GABRB1: variants seen among roughly 807,000 people sequenced by gnomAD.
GABRB1 encodes the protein gamma-aminobutyric acid type A receptor subunit beta1.
In GABRB1, 17 loss-of-function variants were observed where a neutral mutation model predicts 51.6. The observed-to-expected ratio is 0.33, with a 90% CI of 0.23 to 0.49. The LOEUF (loss-of-function observed/expected upper bound fraction) is 0.49, where lower values mean the gene tolerates loss of function less well. Among genes scored for constraint, GABRB1 ranks in the 20% least tolerant of loss-of-function variants. The probability of loss-of-function intolerance (pLI) is 0.99; values close to 1 mark genes in which losing one functional copy is unlikely to be tolerated. For missense variants in GABRB1, 410 were observed against 600.6 expected (o/e 0.68, Z 3.32); for synonymous variants, 247 against 218.9 (o/e 1.13, Z -1.14).
chr4:47,003,678 T>C (rs1724296793), intron 1 of GABRB1, among the ~76,000 whole-genome samples: 1 of 152,308 alleles, frequency 6.6e-6, no homozygotes, highest in East Asian at 1.9e-4. Flanking sequence ...AGTATGGGAA[T>C]GAGGCTCAGA....
intron 2 of GABRB1, 62 bp from the exon 3 acceptor site, chr4:47,032,355 A>G: frequency 2.1e-6 from 3 of 1,416,432 alleles, no homozygotes; most frequent in South Asian, 1.3e-5. Flanking sequence ...AAGCCCCCAG[A>G]CCCTCCCCAG....
chr4:47,060,603 CTTAGT>C lies in GABRB1; in HGVS notation c.240+28123_240+28127del, dbSNP rs1399483646. ...GGAAATCAACTCTTATGACTTTATA[CTTAGT>C]TTAAAAATCCAACAGGGTCTCTCCT... is the stretch of plus-strand genomic sequence containing the variant. On this transcript the variant is annotated intron_variant, in intron 3 of 8. Coordinates refer to ENST00000295454, the MANE Select transcript of GABRB1 (RefSeq NM_000812.4). Among the ~76,000 whole-genome samples the C allele has an allele frequency of 4.6e-5, 7 of 152,242 alleles. No individual in the cohort carries two copies. In the East Asian group the frequency reaches 1.2e-3, roughly 25 times the overall value.
intron 4 of GABRB1, among the ~76,000 whole-genome samples, chr4:47,309,460 T>C (rs748913820): frequency 9.9e-5 from 15 of 152,044 alleles, no homozygotes; most frequent in Non-Finnish European, 1.5e-4. Flanking sequence ...CATTCAGCAC[T>C]AAGTCTACAA....
At chr4:47,062,426 T>C (rs754368732) in intron 3 of GABRB1, among the ~76,000 whole-genome samples, 2 of 131,304 alleles carry the variant, frequency 1.5e-5, no homozygotes, top group African/African-American at 2.8e-5. Flanking sequence ...TCTACAATGT[T>C]CTTTGGTTAT....
At chr4:47,012,254 A>G (rs1724602956) in intron 1 of GABRB1, among the ~76,000 whole-genome samples, 1 of 152,204 alleles carries the variant, frequency 6.6e-6, no homozygotes, top group Admixed American at 6.5e-5. Context: ...ACAGGTAAAC[A>G]TGCATCATGG....
intron 4 of GABRB1, among the ~76,000 whole-genome samples, chr4:47,211,398 T>C (rs918010923): frequency 6.6e-6 from 1 of 152,206 alleles, no homozygotes; most frequent in Admixed American, 6.5e-5. Flanking sequence ...GTATTAGGTA[T>C]TATTAGTTAT....
At chr4:47,123,724 G>GATATATC (rs61243246) in intron 3 of GABRB1, among the ~76,000 whole-genome samples, 43,977 of 78,344 alleles carry the variant, frequency 0.56, 13,170 homozygotes, top group East Asian at 0.71. Flanking sequence ...TATGATATAT[G>GATATATC]ATATATCATA....
rs545867094 is a variant in GABRB1, at chr4:47,076,665, A to T, written c.240+44181A>T. Among the ~76,000 whole-genome samples the T allele has an allele frequency of 7.9e-5, 12 of 152,164 alleles. 1 individual carries two copies. Among genetic ancestry groups the T allele is most frequent in the African/African-American group, 2.4e-4 (10 of 41,498 alleles). ...TACATGGAAAAACAAAACAAAACAA[A>T]ACAAAACAAAAAAACAGCAACCTGA... is the stretch of plus-strand genomic sequence containing the variant. On this transcript the variant is annotated intron_variant, in intron 3 of 8. Transcript: ENST00000295454.
chr4:47,048,837 C>T (rs2086912213), intron 3 of GABRB1, among the ~76,000 whole-genome samples: 1 of 152,084 alleles, frequency 6.6e-6, no homozygotes, highest in Middle Eastern at 3.4e-3. Context: ...AATTTCTTTC[C>T]CTTTAGAGTT....
At chr4:47,341,035 C>T (rs1400855024) in intron 5 of GABRB1, among the ~76,000 whole-genome samples, 2 of 152,152 alleles carry the variant, frequency 1.3e-5, no homozygotes, top group Non-Finnish European at 2.9e-5. Context: ...ACCATGTAGT[C>T]AGTAAATATT....
intron 3 of GABRB1, 129 bp downstream of exon 3, chr4:47,032,613 T>G: frequency 1.2e-6 from 1 of 830,602 alleles, no homozygotes; most frequent in Non-Finnish European, 2.1e-6. Context: ...CCGCACCCGC[T>G]CCCCGCTCCG....
At chr4:47,077,245 C>T (rs1727598455) in intron 3 of GABRB1, among the ~76,000 whole-genome samples, 1 of 152,128 alleles carries the variant, frequency 6.6e-6, no homozygotes, top group Admixed American at 6.6e-5. Context: ...GAGCTGAGTT[C>T]CCAGAAAAGG....
At chr4:47,220,664 A>C (rs528361029) in intron 4 of GABRB1, among the ~76,000 whole-genome samples, 51 of 152,164 alleles carry the variant, frequency 3.4e-4, no homozygotes, top group African/African-American at 1.2e-3. Flanking sequence ...AGAAAAGCTC[A>C]GAACCTCATG....
chr4:47,085,494 A>C lies in GABRB1; in HGVS notation c.240+53010A>C, dbSNP rs1053449379. ...TTACAAATTGCCTATGACAATAGAA[A>C]TACTTTCCATATTGGCATTTGACAC... On this transcript the variant is annotated intron_variant, in intron 3 of 8. Transcript: ENST00000295454. Among the ~76,000 whole-genome samples, 7 of 152,232 alleles carry C rather than the reference A, an allele frequency of 4.6e-5. 1 individual carries two copies. Among genetic ancestry groups the C allele is most frequent in the Admixed American group, 4.6e-4 (7 of 15,276 alleles).
chr4:47,312,064 TGTGTGTGC>T (rs1476983726), intron 4 of GABRB1, among the ~76,000 whole-genome samples: 1 of 121,372 alleles, frequency 8.2e-6, no homozygotes, highest in Non-Finnish European at 1.8e-5. Flanking sequence ...TGTGTGTGTG[TGTGTGTGC>T]GCGTGCATAC....
At chr4:46,997,625 G>A (rs1310417003) in intron 1 of GABRB1, among the ~76,000 whole-genome samples, 1 of 151,610 alleles carries the variant, frequency 6.6e-6, no homozygotes, top group Non-Finnish European at 1.5e-5. Flanking sequence ...TCTGTGTCTG[G>A]TCTATTTCAC....
chr4:47,069,358 T>A (rs1202478119), intron 3 of GABRB1, among the ~76,000 whole-genome samples: 2 of 152,204 alleles, frequency 1.3e-5, no homozygotes, highest in Non-Finnish European at 2.9e-5. Context: ...TATTTTCTGA[T>A]TATCTCCTTT....
intron 5 of GABRB1, among the ~76,000 whole-genome samples, chr4:47,379,784 G>A (rs1266447564): frequency 1.3e-5 from 2 of 152,158 alleles, no homozygotes; most frequent in Non-Finnish European, 2.9e-5. Flanking sequence ...TTAGTAATAT[G>A]AAATAATTAG....
At chr4:47,248,025 C>G (rs771960948) in intron 4 of GABRB1, among the ~76,000 whole-genome samples, 2 of 152,022 alleles carry the variant, frequency 1.3e-5, no homozygotes, top group Non-Finnish European at 2.9e-5. Context: ...TCTGATTGCT[C>G]TGGCTAGGAC....
Sources: allele counts gnomAD v4.1 joint callset (sites outside exome capture counted in the v4.1 genomes callset), GRCh38; gene constraint gnomAD v4.1.1; transcripts MANE v1.5; gene names NCBI Gene and HGNC (gene_info 2026-07-23, HGNC 2026-07-21).